The following NAV3 variants were observed in gnomAD, a reference collection of about 807,000 sequenced individuals.
The protein encoded by NAV3 is pore membrane and/or filament interacting like protein 1.
Under a neutral mutation model 244.7 loss-of-function variants are expected in NAV3, and 87 were observed. That is an observed-to-expected ratio of 0.36 (90% confidence interval 0.30 to 0.42). The LOEUF is 0.42. Among genes scored for constraint, NAV3 ranks in the 20% least tolerant of loss-of-function variants. NAV3 has a pLI of 1.00. For synonymous variants in NAV3, 1,126 were observed against 1,042.2 expected (o/e 1.08, Z -1.55); for missense variants, 2,663 against 2,893.3 (o/e 0.92, Z 1.83).
intron 3 of NAV3, among the ~76,000 whole-genome samples, chr12:77,948,686 C>CA (rs1324692018): frequency 7.4e-6 from 1 of 135,658 alleles, no homozygotes; most frequent in Non-Finnish European, 1.6e-5. Context: ...AATTGCCCCC[C>CA]CACCACTGCC....
intron 2 of NAV3, among the ~76,000 whole-genome samples, chr12:77,623,140 A>G (rs1871457453): frequency 6.6e-6 from 1 of 152,230 alleles, no homozygotes; most frequent in Admixed American, 6.5e-5. Flanking sequence ...GTAAACTAGA[A>G]CACATTTGTA....
intron 2 of NAV3, among the ~76,000 whole-genome samples, chr12:77,729,695 G>A (rs1053831194): frequency 2.6e-5 from 4 of 151,906 alleles, no homozygotes; most frequent in Non-Finnish European, 4.4e-5. Flanking sequence ...AAATTCTGCA[G>A]CAGCAATTCA....
intron 16 of NAV3, among the ~76,000 whole-genome samples, chr12:78,126,311 A>AT (rs1208799523): frequency 6.6e-6 from 1 of 152,138 alleles, no homozygotes; most frequent in Non-Finnish European, 1.5e-5. Flanking sequence ...TGTGTATTTA[A>AT]TTTTGATCAT....
intron 1 of NAV3, among the ~76,000 whole-genome samples, chr12:77,937,984 A>G (rs1207223934): frequency 1.3e-5 from 2 of 152,090 alleles, no homozygotes; most frequent in Non-Finnish European, 2.9e-5. Flanking sequence ...TTTTTTTTAC[A>G]AGAGGAATCT....
At chr12:77,644,342 C>T (rs530810061) in intron 2 of NAV3, among the ~76,000 whole-genome samples, 1 of 152,142 alleles carries the variant, frequency 6.6e-6, no homozygotes, top group South Asian at 2.1e-4. Context: ...AATGAAACAA[C>T]AAGTCTTGGA....
At chr12:77,843,002 A>G (rs1592755816) in intron 1 of NAV3, among the ~76,000 whole-genome samples, 2 of 152,152 alleles carry the variant, frequency 1.3e-5, no homozygotes, top group Admixed American at 6.6e-5. Context: ...CACATCTTTC[A>G]TATAAACTTG....
At chr12:77,929,065 G>A (rs1412250943) in intron 1 of NAV3, among the ~76,000 whole-genome samples, 4 of 152,116 alleles carry the variant, frequency 2.6e-5, no homozygotes, top group Non-Finnish European at 5.9e-5. Flanking sequence ...AACTCTCAGA[G>A]TACTTGAAAA....
At chr12:77,734,160 T>C (rs770353162) in intron 2 of NAV3, among the ~76,000 whole-genome samples, 3 of 152,100 alleles carry the variant, frequency 2.0e-5, no homozygotes, top group Non-Finnish European at 2.9e-5. Flanking sequence ...TGTTCACTTA[T>C]GCTATGAGGA....
At chr12:77,801,523 A>T (rs1425224904) in intron 2 of NAV3, among the ~76,000 whole-genome samples, 6 of 152,226 alleles carry the variant, frequency 3.9e-5, no homozygotes. Context: ...TTATTACAGT[A>T]CAAATTTTCA....
At chr12:78,052,752 C>G (rs1168856324) in intron 11 of NAV3, among the ~76,000 whole-genome samples, 1 of 152,092 alleles carries the variant, frequency 6.6e-6, no homozygotes, top group African/African-American at 2.4e-5. Context: ...CACTCTTTCT[C>G]CCATCTCTCT....
chr12:78,117,707 G>T (rs906928198), intron 13 of NAV3, among the ~76,000 whole-genome samples: 1 of 151,762 alleles, frequency 6.6e-6, no homozygotes, highest in Admixed American at 6.6e-5. Flanking sequence ...TGGATCTGTT[G>T]TGAATGATAA....
chr12:77,611,184 G>A (rs1413661870), intron 2 of NAV3, among the ~76,000 whole-genome samples: 1 of 151,708 alleles, frequency 6.6e-6, no homozygotes, highest in Admixed American at 6.6e-5. Flanking sequence ...TGTTAACTAG[G>A]GCACTCTGTA....
In NAV3 at chr12:78,137,303, C is replaced by G; in HGVS notation, c.4568C>G (p.Ser1523Cys). 1 of 1,613,562 alleles carries G rather than the reference C, an allele frequency of 6.2e-7. No individual in the cohort carries two copies. Among genetic ancestry groups the G allele is most frequent in the East Asian group, 2.2e-5 (1 of 44,852 alleles). The change falls in exon 19 of 40, where the codon TCT (serine) becomes TGT (cysteine). Residue 1523 changes from serine to cysteine, a missense_variant. Physicochemically the swap from Ser to Cys is moderately radical, Grantham distance 112. Around this residue, in one of 6 missense-constraint regions of NAV3, gnomAD observed 354 missense variants for 413.0 expected, o/e 0.86. Coordinates refer to ENST00000397909, the MANE Select transcript of NAV3 (RefSeq NM_001024383.2). Reference protein sequence around the residue: ...DDSQLCGSATSLEERPRAISH... With the variant: ...DDSQLCGSATCLEERPRAISH... The stretch of plus-strand genomic sequence containing the variant: ...TCCCAGCTTTGTGGGAGTGCCACTT[C>G]TCTGGAGGAAAGACCTCGTGCCATC...
intron 12 of NAV3, among the ~76,000 whole-genome samples, chr12:78,100,668 G>T (rs1593581469): frequency 6.6e-6 from 1 of 151,814 alleles, no homozygotes; most frequent in Non-Finnish European, 1.5e-5. Flanking sequence ...ATTTTCTATT[G>T]CACTTCTAAG....
intron 22 of NAV3, among the ~76,000 whole-genome samples, chr12:78,154,601 A>G (rs1266880610): frequency 2.6e-5 from 4 of 151,652 alleles, no homozygotes; most frequent in Non-Finnish European, 4.4e-5. Flanking sequence ...TCCCTTTACT[A>G]ATACTCAGTC....
At chr12:78,085,400 C>T (rs1442173779) in intron 12 of NAV3, among the ~76,000 whole-genome samples, 1 of 152,094 alleles carries the variant, frequency 6.6e-6, no homozygotes, top group Non-Finnish European at 1.5e-5. Context: ...TGGCATATTC[C>T]ATGTATGTTC....
At chr12:77,613,517 C>A (rs1406944613) in intron 2 of NAV3, among the ~76,000 whole-genome samples, 1 of 152,064 alleles carries the variant, frequency 6.6e-6, no homozygotes, top group East Asian at 1.9e-4. Context: ...TTGAAGTCTG[C>A]CTTCTTGTTT....
Position 77,904,168 on chromosome 12 carries a change from C to A in NAV3, c.244-36151C>A, listed in dbSNP as rs145699346. Among the ~76,000 whole-genome samples the A allele has an allele frequency of 1.4e-3, 218 of 152,326 alleles. 4 individuals are homozygous for A. In the East Asian group the frequency reaches 0.041, roughly 28 times the overall value. On this transcript the variant is annotated intron_variant, in intron 1 of 39. Transcript: ENST00000397909. Reference sequence around the variant, plus strand: ...GGGTATATATCCAAAGATTATAAATCATGCTGCTATAAAGACACATGCACA... The same window carrying A: ...GGGTATATATCCAAAGATTATAAATAATGCTGCTATAAAGACACATGCACA...
intron 2 of NAV3, among the ~76,000 whole-genome samples, chr12:77,745,569 A>G (rs1868494133): frequency 6.6e-6 from 1 of 152,074 alleles, no homozygotes; most frequent in Non-Finnish European, 1.5e-5. Flanking sequence ...ATCTCTGGAA[A>G]TTAAGAAGCA....
Sources: allele counts gnomAD v4.1 joint callset (sites outside exome capture counted in the v4.1 genomes callset), GRCh38; gene constraint gnomAD v4.1.1; regional missense constraint gnomAD v4.1.1; transcripts MANE v1.5; gene names NCBI Gene and HGNC (gene_info 2026-07-23, HGNC 2026-07-21).